CACNA1C: variants seen among roughly 807,000 people sequenced by gnomAD.
The protein encoded by CACNA1C is calcium voltage-gated channel subunit alpha1 C.
Under a neutral mutation model 229.0 loss-of-function variants are expected in CACNA1C, and 30 were observed. The observed-to-expected ratio is 0.13, with a 90% CI of 0.10 to 0.18. CACNA1C has a LOEUF of 0.18. Among genes scored for constraint, CACNA1C ranks in the 10% least tolerant of loss-of-function variants. The pLI is 1.00. For missense variants in CACNA1C, 1,658 were observed against 2,845.0 expected (o/e 0.58, Z 9.49); for synonymous variants, 1,114 against 1,132.5 (o/e 0.98, Z 0.33).
At chr12:2,482,420 C>T (rs989048104) in intron 5 of CACNA1C, among the ~76,000 whole-genome samples, 1 of 152,256 alleles carries the variant, frequency 6.6e-6, no homozygotes, top group Non-Finnish European at 1.5e-5. Context: ...TGTGCCACCA[C>T]TTCCCAGCTG....
intron 11 of CACNA1C, among the ~76,000 whole-genome samples, chr12:2,559,275 TAAATG>T (rs1438369733): frequency 6.6e-6 from 1 of 152,208 alleles, no homozygotes; most frequent in Non-Finnish European, 1.5e-5. Context: ...CATAAATTAA[TAAATG>T]AATGAATGAA....
In CACNA1C at chr12:2,605,315, C is replaced by A. The variant is rs1486457028; in HGVS notation, c.3048+147C>A. ...CCGGACACTGGTCCCACTGCATGTC[C>A]CGGTTCCGTAATGAACAGAATAGTA... is the stretch of plus-strand genomic sequence containing the variant. On this transcript the variant is annotated intron_variant, in intron 23 of 46. Transcript: ENST00000399655. This position sits in a 1 kb window ranked among gnomAD's most constrained non-coding sequence, Gnocchi z 6.2. The A allele has an allele frequency of 2.0e-5, 13 of 637,432 alleles. No individual in the cohort carries two copies. Among genetic ancestry groups the A allele is most frequent in the Middle Eastern group, 4.0e-4 (1 of 2,478 alleles). 39.5% of individuals were successfully genotyped at this position (637,432 alleles called of 1,614,324 possible).
intron 9 of CACNA1C, among the ~76,000 whole-genome samples, chr12:2,526,746 T>C (rs1228823872): frequency 1.3e-5 from 2 of 152,234 alleles, no homozygotes; most frequent in Admixed American, 6.5e-5. Context: ...TAGAGTAGCA[T>C]GTTCACTTCT....
chr12:2,540,721 C>A (rs993162525), intron 9 of CACNA1C, among the ~76,000 whole-genome samples: 2 of 152,168 alleles, frequency 1.3e-5, no homozygotes, highest in African/African-American at 4.8e-5. Context: ...GGGCCCCATG[C>A]ACGGGAAAGA....
At position 2,679,834 on chromosome 12, in the gene CACNA1C, G is replaced by GC. The variant is rs1277152729; in HGVS notation, c.5444+41dup. On this transcript the variant is annotated intron_variant, in intron 42 of 46. Transcript: ENST00000399655. This position sits in a 1 kb window ranked among gnomAD's most constrained non-coding sequence, Gnocchi z 5.5. Reference sequence around the variant, plus strand: ...CTGGCCACCCCAGGCGGCACACAGGGCCCACGTGCTGCAACCCTCAGGAGA... The same window carrying GC: ...CTGGCCACCCCAGGCGGCACACAGGGCCCCACGTGCTGCAACCCTCAGGAGA... The GC allele has an allele frequency of 1.4e-6, 2 of 1,404,950 alleles. No homozygotes were observed. Among genetic ancestry groups the GC allele is most frequent in the Non-Finnish European group, 1.9e-6 (2 of 1,027,242 alleles). 87.0% of individuals were successfully genotyped at this position (1,404,950 alleles called of 1,614,324 possible).
At position 2,597,417 on chromosome 12, in the gene CACNA1C, C is replaced by T; in HGVS notation, c.2853+128C>T. The T allele has an allele frequency of 6.3e-7, 1 of 1,591,528 alleles. No homozygotes were observed. The highest frequency in any genetic ancestry group is 8.6e-7 in the Non-Finnish European group (1 of 1,159,580). On this transcript the variant is annotated intron_variant, in intron 21 of 46. Coordinates refer to ENST00000399655, the MANE Select transcript of CACNA1C (RefSeq NM_000719.7). The surrounding 1 kb of genome is among the most constrained non-coding windows in gnomAD (Gnocchi z 4.3). Reference sequence around the variant, plus strand: ...GGGTTCACTCTCAGAGCCACTAATCCAATTATGCTTATTTTTCAGATCCTA... The same window carrying T: ...GGGTTCACTCTCAGAGCCACTAATCTAATTATGCTTATTTTTCAGATCCTA...
intron 5 of CACNA1C, among the ~76,000 whole-genome samples, chr12:2,473,856 A>C (rs2099605671): frequency 6.6e-6 from 1 of 152,248 alleles, no homozygotes; most frequent in Non-Finnish European, 1.5e-5. Context: ...GATTTGAGCC[A>C]GAATTAGAAA....
chr12:2,162,635 G>A (rs539299922), intron 3 of CACNA1C, among the ~76,000 whole-genome samples: 3 of 152,092 alleles, frequency 2.0e-5, no homozygotes, highest in Non-Finnish European at 4.4e-5. Flanking sequence ...ACGTGCCCCC[G>A]TGAATAGCAG....
chr12:2,197,751 AT>A (rs2097454013), intron 3 of CACNA1C, among the ~76,000 whole-genome samples: 1 of 152,316 alleles, frequency 6.6e-6, no homozygotes, highest in South Asian at 2.1e-4. Flanking sequence ...GGGAAGATTA[AT>A]TTTTGAACCA....
At chr12:2,338,384 A>G (rs971194782) in intron 3 of CACNA1C, among the ~76,000 whole-genome samples, 4 of 152,112 alleles carry the variant, frequency 2.6e-5, no homozygotes, top group African/African-American at 7.2e-5. Context: ...TCTGTCTGAG[A>G]TAGATGCCAA....
intron 7 of CACNA1C, among the ~76,000 whole-genome samples, chr12:2,499,261 C>T (rs2099753547): frequency 6.6e-6 from 1 of 152,176 alleles, no homozygotes; most frequent in African/African-American, 2.4e-5. Flanking sequence ...AGATCCTGTC[C>T]CCCAGTGACA....
chr12:2,128,899 G>A (rs559981156), intron 3 of CACNA1C, among the ~76,000 whole-genome samples: 4 of 152,336 alleles, frequency 2.6e-5, no homozygotes, highest in African/African-American at 9.6e-5. Flanking sequence ...CTCAGAGAAG[G>A]TAAATAATTC....
At chr12:2,669,704 C>A (rs932825541) in intron 38 of CACNA1C, among the ~76,000 whole-genome samples, 1 of 152,140 alleles carries the variant, frequency 6.6e-6, no homozygotes, top group Non-Finnish European at 1.5e-5. Flanking sequence ...AAGTGGTGGC[C>A]GTGGTGGAGG....
chr12:2,071,699 T>C (rs2061403407), intron 1 of CACNA1C, among the ~76,000 whole-genome samples: 1 of 152,248 alleles, frequency 6.6e-6, no homozygotes, highest in Non-Finnish European at 1.5e-5. Flanking sequence ...TTCTTCTGCT[T>C]TGCTTTCCAG....
At chr12:2,003,476 A>G (rs2042653888) in intron 1 of CACNA1C, among the ~76,000 whole-genome samples, 1 of 152,240 alleles carries the variant, frequency 6.6e-6, no homozygotes, top group African/African-American at 2.4e-5. Context: ...ACAAAATTAC[A>G]TGTCTCTACA....
rs367917998 is a variant in CACNA1C at position 2,119,945 on chromosome 12, C to T, written c.372-380C>T. Among the ~76,000 whole-genome samples, 5 of 152,402 alleles carry T rather than the reference C, an allele frequency of 3.3e-5. 1 individual carries two copies. The highest frequency in any genetic ancestry group is 6.5e-5 in the Admixed American group (1 of 15,312). Reference sequence around the variant, plus strand: ...TTCCAGGTGGGCGTGGGCCCACAGGCCGTTCGGCATAAACTGTGAAGAAAC... The same window carrying T: ...TTCCAGGTGGGCGTGGGCCCACAGGTCGTTCGGCATAAACTGTGAAGAAAC... On this transcript the variant is annotated intron_variant, in intron 2 of 46. Coordinates refer to ENST00000399655, the MANE Select transcript of CACNA1C (RefSeq NM_000719.7).
intron 5 of CACNA1C, among the ~76,000 whole-genome samples, chr12:2,469,212 C>T (rs1597284249): frequency 6.6e-6 from 1 of 152,076 alleles, no homozygotes; most frequent in South Asian, 2.1e-4. Context: ...GTGCCTCTCA[C>T]AAAAAGCTCA....
rs1437293487 is a variant in CACNA1C, at chr12:2,649,502, C to T, written c.3945+995C>T. 1.3e-5 allele frequency among the ~76,000 whole-genome samples: 2 copies of T among 152,158 alleles called. No homozygotes were observed. Among genetic ancestry groups the T allele is most frequent in the Non-Finnish European group, 2.9e-5 (2 of 68,030 alleles). On this transcript the variant is annotated intron_variant, in intron 31 of 46. Transcript: ENST00000399655. This position sits in a 1 kb window ranked among gnomAD's most constrained non-coding sequence, Gnocchi z 4.4. ...TGGGGACTCTGCTTCTGGGATCAGC[C>T]ATCTGGATCTGCCTCCTTTTTGCAT...
In CACNA1C at chr12:2,115,229, A is replaced by G; in HGVS notation, c.55A>G (p.Asn19Asp). The G allele has an allele frequency of 6.4e-7, 1 of 1,563,492 alleles. No homozygotes were observed. The highest frequency in any genetic ancestry group is 8.7e-7 in the Non-Finnish European group (1 of 1,153,592). The stretch of plus-strand genomic sequence containing the variant: ...TCTTTTCTCTTTTGCCACAGGTTCC[A>G]ACTATGGGAGCCCACGCCCCGCCCA... ...YIPEENHQGS[N>D]YGSPRPAHAN... is the part of the protein sequence containing the mutation. Residue 19 changes from asparagine to aspartate, a missense_variant, in exon 2 of 47, where the codon AAC (asparagine) becomes GAC (aspartate). Transcript: ENST00000399655.
Sources: allele counts gnomAD v4.1 joint callset (sites outside exome capture counted in the v4.1 genomes callset), GRCh38; gene constraint gnomAD v4.1.1; non-coding constraint Gnocchi (gnomAD v3.1); transcripts MANE v1.5; gene names NCBI Gene and HGNC (gene_info 2026-07-23, HGNC 2026-07-21).